Variants in PTPRT observed in about 807,000 individuals in gnomAD.
PTPRT encodes protein tyrosine phosphatase receptor type T.
PTPRT carries 56 observed loss-of-function variants against 176.8 expected under a neutral mutation model. The ratio of observed to expected loss-of-function variants is 0.32; its 90% CI spans 0.26 to 0.40. The LOEUF (loss-of-function observed/expected upper bound fraction) is 0.40, where lower values mean the gene tolerates loss of function less well. Ranked by LOEUF, PTPRT falls within the 10% of genes least tolerant of loss-of-function variation. The probability of loss-of-function intolerance (pLI) is 1.00; values close to 1 mark genes in which losing one functional copy is unlikely to be tolerated. For synonymous variants in PTPRT, 783 were observed against 739.0 expected, an observed-to-expected ratio of 1.06 and a Z score of -0.96; for missense variants, 1,540 against 1,908.2, an observed-to-expected ratio of 0.81 and a Z score of 3.60.
intron 1 of PTPRT, among the ~76,000 whole-genome samples, chr20:42,898,579 T>C (rs1330513041): frequency 6.6e-6 from 1 of 152,132 alleles, no homozygotes; most frequent in East Asian, 1.9e-4. Context: ...CTACATTTGC[T>C]GGGACACAAA....
intron 6 of PTPRT, among the ~76,000 whole-genome samples, chr20:42,748,376 G>A (rs1402592839): frequency 2.0e-5 from 3 of 152,140 alleles, no homozygotes; most frequent in Non-Finnish European, 4.4e-5. Flanking sequence ...TACTTCTGAG[G>A]ACTTGTGGAG....
At chr20:42,458,290 A>G (rs2070958815) in intron 8 of PTPRT, among the ~76,000 whole-genome samples, 2 of 152,212 alleles carry the variant, frequency 1.3e-5, no homozygotes, top group Admixed American at 1.3e-4. Context: ...TCTTATTGTC[A>G]TCACTGAGAC....
chr20:42,830,282 G>T (rs1325224379), intron 2 of PTPRT, among the ~76,000 whole-genome samples: 1 of 152,182 alleles, frequency 6.6e-6, no homozygotes, highest in Non-Finnish European at 1.5e-5. Context: ...GATGCAAGTG[G>T]TTGGTTCAAC....
intron 2 of PTPRT, among the ~76,000 whole-genome samples, chr20:42,847,439 C>G: frequency 6.6e-6 from 1 of 152,276 alleles, no homozygotes. Flanking sequence ...TACAGGCCAG[C>G]CTTTCAGGGC....
chr20:42,226,288 T>C (rs2056008388), intron 15 of PTPRT, among the ~76,000 whole-genome samples: 1 of 152,194 alleles, frequency 6.6e-6, no homozygotes, highest in African/African-American at 2.4e-5. Context: ...AAAATGTAAG[T>C]GGTATGACTC....
At chr20:42,136,257 T>TTTTC (rs11481574) in intron 18 of PTPRT, among the ~76,000 whole-genome samples, 1 of 135,356 alleles carries the variant, frequency 7.4e-6, no homozygotes, top group Non-Finnish European at 1.6e-5. Flanking sequence ...TTTTTTTTTT[T>TTTTC]CAGAGAAAAG....
At chr20:43,135,194 A>G (rs960451107) in intron 1 of PTPRT, among the ~76,000 whole-genome samples, 1 of 152,232 alleles carries the variant, frequency 6.6e-6, no homozygotes, top group Admixed American at 6.5e-5. Context: ...AGATGCAGCT[A>G]GAAAGGCACG....
intron 7 of PTPRT, among the ~76,000 whole-genome samples, chr20:42,581,658 T>G (rs143936109): frequency 6.6e-6 from 1 of 152,122 alleles, no homozygotes; most frequent in African/African-American, 2.4e-5. Flanking sequence ...TTTTGACAAA[T>G]GAGTTTGCAT....
At chr20:42,963,026 G>A (rs540472612) in intron 1 of PTPRT, among the ~76,000 whole-genome samples, 3 of 152,030 alleles carry the variant, frequency 2.0e-5, no homozygotes, top group African/African-American at 7.2e-5. Flanking sequence ...GTGAAACCCC[G>A]TCTCTATTAA....
In PTPRT at chr20:42,375,448, G is replaced by C. The variant is rs147826865; in HGVS notation, c.1561-23163C>G. ...TTTTGCCATCGTAAAAGGCTACAGG[G>C]AACTAGCTTAGGCCCTTTTTTGCCC... On this transcript the variant is annotated intron_variant, in intron 9 of 30. Coordinates refer to ENST00000373187, the MANE Select transcript of PTPRT (RefSeq NM_007050.6). 7.9e-5 allele frequency among the ~76,000 whole-genome samples: 12 copies of C among 152,284 alleles called. No individual in the cohort carries two copies. In the East Asian group the frequency reaches 2.3e-3, roughly 29 times the overall value.
At chr20:42,703,952 G>C (rs2076012563) in intron 6 of PTPRT, among the ~76,000 whole-genome samples, 1 of 152,048 alleles carries the variant, frequency 6.6e-6, no homozygotes. Context: ...TCCCCTATTG[G>C]ACCTAAACAA....
chr20:43,021,662 TAC>T (rs544908835), intron 1 of PTPRT, among the ~76,000 whole-genome samples: 20 of 152,224 alleles, frequency 1.3e-4, no homozygotes, highest in Admixed American at 3.3e-4. Context: ...ACAGAAGAGA[TAC>T]AGACAGTTAA....
intron 2 of PTPRT, among the ~76,000 whole-genome samples, chr20:42,824,787 G>A (rs1194678052): frequency 6.6e-6 from 1 of 151,510 alleles, no homozygotes. Flanking sequence ...TTCTATAATG[G>A]ACAACATAAA....
intron 7 of PTPRT, among the ~76,000 whole-genome samples, chr20:42,521,886 G>T (rs2072183419): frequency 6.6e-6 from 1 of 151,890 alleles, no homozygotes. Context: ...GTTTTTCCTG[G>T]AAGCATGAAA....
intron 1 of PTPRT, among the ~76,000 whole-genome samples, chr20:43,134,776 G>A (rs370863787): frequency 1.3e-5 from 2 of 152,196 alleles, no homozygotes; most frequent in African/African-American, 4.8e-5. Flanking sequence ...TGGTATTAAT[G>A]AATTGTTGTC....
At chr20:43,066,280 GTCT>G (rs2011111343) in intron 1 of PTPRT, among the ~76,000 whole-genome samples, 1 of 152,142 alleles carries the variant, frequency 6.6e-6, no homozygotes, top group Non-Finnish European at 1.5e-5. Flanking sequence ...CCATAAATGT[GTCT>G]TCATTTGTCC....
chr20:42,102,652 G>T (rs1286041266), intron 25 of PTPRT, among the ~76,000 whole-genome samples: 1 of 152,224 alleles, frequency 6.6e-6, no homozygotes. Context: ...CATACAGAGG[G>T]GTGGGGGTAG....
intron 13 of PTPRT, among the ~76,000 whole-genome samples, chr20:42,254,305 G>A (rs926398968): frequency 2.0e-5 from 3 of 152,168 alleles, no homozygotes; most frequent in African/African-American, 7.2e-5. Flanking sequence ...GTGGTCCATC[G>A]ACCAGAATAT....
intron 1 of PTPRT, among the ~76,000 whole-genome samples, chr20:43,107,764 A>G (rs2012678979): frequency 1.3e-5 from 2 of 152,284 alleles, no homozygotes; most frequent in South Asian, 4.1e-4. Flanking sequence ...ACAATTTAAA[A>G]CTCGTAACAT....
Sources: gnomAD v4.1 joint callset for allele counts (sites outside exome capture counted in the v4.1 genomes callset) on GRCh38, gnomAD v4.1.1 for gene constraint, MANE v1.5 for transcripts, NCBI Gene and HGNC (gene_info 2026-07-23, HGNC 2026-07-21) for gene names.